KDM8: variants seen among roughly 807,000 people sequenced by gnomAD.
KDM8 encodes bifunctional peptidase and arginyl-hydroxylase JMJD5.
Under a neutral mutation model 46.9 loss-of-function variants are expected in KDM8, and 35 were observed. The ratio of observed to expected loss-of-function variants is 0.75; its 90% CI spans 0.57 to 0.99. KDM8 has a LOEUF of 0.99. Ranked by LOEUF, KDM8 falls within the 50% of genes least tolerant of loss-of-function variation. KDM8 has a pLI of 0.00. For synonymous variants in KDM8, 232 were observed against 227.7 expected (o/e 1.02, Z -0.17); for missense variants, 475 against 537.0 (o/e 0.88, Z 1.14).
rs983918639 is a variant in KDM8, at chr16:27,203,992, T to G, written c.-32+356T>G. 4.2e-5 allele frequency: 42 copies of G among 991,552 alleles called. No homozygotes were observed. In the African/African-American group the frequency reaches 6.6e-4, roughly 15 times the overall value. The allele number at this position is 991,552 out of a possible 1,614,324, so 61.4% of individuals were successfully genotyped here. ...GTAGGCCTAGTGCGCCTGCGCGGGTTTTATACTCTGCTATATGTGTGTCCG... is the reference window on the plus strand; with the variant it reads ...GTAGGCCTAGTGCGCCTGCGCGGGTGTTATACTCTGCTATATGTGTGTCCG... On this transcript the variant is annotated intron_variant, in intron 1 of 7. Transcript: ENST00000286096.
chr16:27,213,568 G>A lies in KDM8; in HGVS notation c.499-17G>A. 2 of 1,613,022 alleles carry A rather than the reference G, an allele frequency of 1.2e-6. No homozygotes were observed. The highest frequency in any genetic ancestry group is 1.7e-6 in the Non-Finnish European group (2 of 1,179,338). The stretch of plus-strand genomic sequence containing the variant: ...CCTGAGGTGGTTGCTATTTTGTTCT[G>A]TTTTGATTTTAAACAGAAAGCAAGG... On this transcript the variant is annotated splice_polypyrimidine_tract_variant and intron_variant, in intron 2 of 7. Coordinates refer to ENST00000286096, the MANE Select transcript of KDM8 (RefSeq NM_024773.3).
At chr16:27,211,351 A>AACTAGCTG (rs1174850555) in intron 2 of KDM8, 4 of 375,194 alleles carry the variant, frequency 1.1e-5, no homozygotes, top group African/African-American at 4.3e-5. Flanking sequence ...GAGATACTAC[A>AACTAGCTG]ACTAGCTGAT....
At chr16:27,206,304 G>GCAAGA in intron 1 of KDM8, 5 of 667,076 alleles carry the variant, frequency 7.5e-6, no homozygotes, top group African/African-American at 2.0e-5. Context: ...ACAGACTCTT[G>GCAAGA]CTCTGTCACC....
rs1197034638 is a variant in KDM8 at position 27,221,150 on chromosome 16, G to A, written c.*420G>A. On this transcript the variant is annotated 3_prime_UTR_variant, in exon 8 of 8. Transcript: ENST00000286096. ...TGACTTGGCCAGGATCCCCCACTTC[G>A]CTGTGCCCATATGGAAAAGAGGGCA... 3 of 338,888 alleles carry A rather than the reference G, an allele frequency of 8.9e-6. No individual in the cohort carries two copies. Among genetic ancestry groups the A allele is most frequent in the South Asian group, 7.1e-5 (3 of 42,430 alleles). The allele number at this position is 338,888 out of a possible 1,614,324, so 21.0% of individuals were successfully genotyped here.
At chr16:27,211,165 G>A (rs964363479) in intron 2 of KDM8, 6 of 452,160 alleles carry the variant, frequency 1.3e-5, no homozygotes, top group African/African-American at 1.0e-4. Flanking sequence ...TTTCAGCAGA[G>A]AGGCAGCAGA....
chr16:27,219,610 G>C (rs916650842), intron 6 of KDM8, among the ~76,000 whole-genome samples: 1 of 152,222 alleles, frequency 6.6e-6, no homozygotes, highest in African/African-American at 2.4e-5. Flanking sequence ...AAAGGAGAAC[G>C]TTCTCCTACC....
At chr16:27,217,486 G>C (rs1344206748) in intron 5 of KDM8, among the ~76,000 whole-genome samples, 1 of 152,194 alleles carries the variant, frequency 6.6e-6, no homozygotes, top group Non-Finnish European at 1.5e-5. Context: ...AAGCAGCAGC[G>C]TCGGGTTACC....
In KDM8 at chr16:27,220,837, G is replaced by A. The variant is rs2083615216; in HGVS notation, c.*107G>A. 1 of 1,380,430 alleles carries A rather than the reference G, an allele frequency of 7.2e-7. No homozygotes were observed. The highest frequency in any genetic ancestry group is 1.0e-6 in the Non-Finnish European group (1 of 973,774). The allele number at this position is 1,380,430 out of a possible 1,614,324, so 85.5% of individuals were successfully genotyped here. On this transcript the variant is annotated 3_prime_UTR_variant, in exon 8 of 8. Coordinates refer to ENST00000286096, the MANE Select transcript of KDM8 (RefSeq NM_024773.3). ...ACAAGCAGGACTGAACCTGTGTCCT[G>A]AAGAGCCTTCACTGCCCAGTGGCAG...
chr16:27,203,826 C>G (rs1227970738), intron 1 of KDM8, 190 bp downstream of exon 1: 3 of 417,424 alleles, frequency 7.2e-6, no homozygotes, highest in South Asian at 4.8e-5. Flanking sequence ...AGCTCGTCGC[C>G]GGCCTGCCCT....
intron 5 of KDM8, among the ~76,000 whole-genome samples, chr16:27,217,487 TC>T: frequency 6.6e-6 from 1 of 152,312 alleles, no homozygotes; most frequent in Non-Finnish European, 1.5e-5. Context: ...AGCAGCAGCG[TC>T]GGGTTACCTT....
At chr16:27,213,218 C>CGT (rs3063593) in intron 2 of KDM8, 13,748 of 139,454 alleles carry the variant, frequency 0.099, 753 homozygotes, top group African/African-American at 0.14. Context: ...AGATATTTTG[C>CGT]GTGTGTGTGT....
chr16:27,221,022 C>G lies in KDM8; in HGVS notation c.*292C>G, dbSNP rs1030431972. ...CATGGGGACTCTGGCATCAGAAAGC[C>G]GAATGTTTTTGGGAAACGGGTGGGT... On this transcript the variant is annotated 3_prime_UTR_variant, in exon 8 of 8. Transcript: ENST00000286096. The G allele has an allele frequency of 2.2e-6, 1 of 460,326 alleles. No homozygotes were observed. The highest frequency in any genetic ancestry group is 4.0e-6 in the Non-Finnish European group (1 of 248,116). The allele number at this position is 460,326 out of a possible 1,614,324, so 28.5% of individuals were successfully genotyped here. A position where few individuals can be genotyped will look rare whatever the true frequency, so the allele number is the denominator to read the frequency against.
At chr16:27,204,027 G>A (rs1477558685) in intron 1 of KDM8, 2 of 1,407,774 alleles carry the variant, frequency 1.4e-6, no homozygotes, top group Non-Finnish European at 2.0e-6. Context: ...GCTGCTTTTA[G>A]GCAACCAGCC....
rs372785082 is a variant in KDM8, at chr16:27,217,093, T to G, written c.843+1104T>G. Among the ~76,000 whole-genome samples, 12 of 152,308 alleles carry G rather than the reference T, an allele frequency of 7.9e-5. No homozygotes were observed. The East Asian group carries it at 2.3e-3, about 29-fold the overall frequency. ...TTACCTTGGGTCCCAGAGCTGAGTG[T>G]CTACCATGCTGTGGAGAGGACCCTG... On this transcript the variant is annotated intron_variant, in intron 5 of 7. Coordinates refer to ENST00000286096, the MANE Select transcript of KDM8 (RefSeq NM_024773.3).
Position 27,206,142 on chromosome 16 carries a change from G to A in KDM8, c.-32+2506G>A, listed in dbSNP as rs1442257902. ...GTAGAGCTCTCGAAGGCCAGTCTGTGGCACCACTCTCAAAGACTGCTTCAC... is the reference window on the plus strand; with the variant it reads ...GTAGAGCTCTCGAAGGCCAGTCTGTAGCACCACTCTCAAAGACTGCTTCAC... On this transcript the variant is annotated intron_variant, in intron 1 of 7. Coordinates refer to ENST00000286096, the MANE Select transcript of KDM8 (RefSeq NM_024773.3). The A allele has an allele frequency of 5.3e-6, 4 of 747,980 alleles. No individual in the cohort carries two copies. In the African/African-American group the frequency reaches 7.6e-5, roughly 14 times the overall value. 46.3% of individuals were successfully genotyped at this position (747,980 alleles called of 1,614,324 possible).
Position 27,220,176 on chromosome 16 carries a change from G to A in KDM8, c.994-217G>A, listed in dbSNP as rs543199558. ...GTCGAGACTGCAGTGAGCCATGATC[G>A]TACCACTGCACTCCAGCCTGGATGA... On this transcript the variant is annotated intron_variant, in intron 6 of 7. Coordinates refer to ENST00000286096, the MANE Select transcript of KDM8 (RefSeq NM_024773.3). The A allele has an allele frequency of 3.5e-5, 20 of 567,214 alleles. 1 individual carries two copies. The highest frequency in any genetic ancestry group is 9.4e-5 in the African/African-American group (5 of 53,290). 35.1% of individuals were successfully genotyped at this position (567,214 alleles called of 1,614,324 possible).
intron 5 of KDM8, among the ~76,000 whole-genome samples, chr16:27,216,959 G>A (rs2083562606): frequency 6.6e-6 from 1 of 152,124 alleles, no homozygotes; most frequent in Non-Finnish European, 1.5e-5. Context: ...TTCATACTTT[G>A]TAGGACAGGA....
At chr16:27,203,946 G>A (rs877585) in intron 1 of KDM8, 481,818 of 587,092 alleles carry the variant, frequency 0.82, 203,492 homozygotes, top group East Asian at 1. Context: ...GCGCTTTAGC[G>A]GTTCTTGGCG....
At chr16:27,211,121 C>CTTTTTT in intron 2 of KDM8, 6 of 404,404 alleles carry the variant, frequency 1.5e-5, no homozygotes, top group Admixed American at 2.8e-5. Flanking sequence ...CATTTTCTCT[C>CTTTTTT]TTTTTTTTTT....
Sources: allele counts gnomAD v4.1 joint callset (sites outside exome capture counted in the v4.1 genomes callset), GRCh38; gene constraint gnomAD v4.1.1; transcripts MANE v1.5; gene names NCBI Gene and HGNC (gene_info 2026-07-23, HGNC 2026-07-21).